The following ZNF76 variants were observed in gnomAD, a reference collection of about 807,000 sequenced individuals.
ZNF76 encodes zinc finger protein 523.
In ZNF76, 66 loss-of-function variants were observed where a neutral mutation model predicts 66.9. The observed-to-expected ratio is 0.99, with a 90% CI of 0.81 to 1.21. The LOEUF (loss-of-function observed/expected upper bound fraction) is 1.21, where lower values mean the gene tolerates loss of function less well. Ranked by LOEUF, ZNF76 falls within the 50% of genes most tolerant of loss-of-function variation. The pLI is 0.00. For synonymous variants in ZNF76, 275 were observed against 296.1 expected (o/e 0.93, Z 0.73); for missense variants, 729 against 760.3 (o/e 0.96, Z 0.48).
In ZNF76 at chr6:35,293,877, G is replaced by A; in HGVS notation, c.1456G>A (p.Val486Ile). 6.2e-7 allele frequency: 1 copy of A among 1,614,160 alleles called. No individual in the cohort carries two copies. Among genetic ancestry groups the A allele is most frequent in the Non-Finnish European group, 8.5e-7 (1 of 1,180,030 alleles). ...ADLATSGTHT[V>I]TMVSADGTQT... Reference sequence around the variant, plus strand: ...CCTGGCCACATCTGGCACACATACAGTCACCATGGTCAGCGCCGATGGCAC... The same window carrying A: ...CCTGGCCACATCTGGCACACATACAATCACCATGGTCAGCGCCGATGGCAC... Residue 486 changes from valine (V) to isoleucine (I), a missense_variant, in exon 12 of 14, where the codon GTC becomes ATC. Coordinates refer to ENST00000373953, the MANE Select transcript of ZNF76 (RefSeq NM_003427.5).
At chr6:35,278,828 CAT>C (rs1186939402) in intron 1 of ZNF76, among the ~76,000 whole-genome samples, 1 of 152,210 alleles carries the variant, frequency 6.6e-6, no homozygotes, top group Non-Finnish European at 1.5e-5. Flanking sequence ...CCACCTTGCA[CAT>C]GAGGGACCCA....
chr6:35,284,166 A>ACTGCAACCTTCGCCTCC (rs1178480569), intron 2 of ZNF76, among the ~76,000 whole-genome samples: 1 of 151,620 alleles, frequency 6.6e-6, no homozygotes, highest in East Asian at 1.9e-4. Flanking sequence ...ATCTCGGCTC[A>ACTGCAACCTTCGCCTCC]CTGCAACCTT....
chr6:35,271,811 A>G (rs539617333), intron 1 of ZNF76, among the ~76,000 whole-genome samples: 2 of 152,346 alleles, frequency 1.3e-5, no homozygotes, highest in South Asian at 2.1e-4. Context: ...GAATACAGCC[A>G]GGCACAGTGG....
At chr6:35,290,007 A>C (rs1285795165) in intron 5 of ZNF76, among the ~76,000 whole-genome samples, 1 of 152,078 alleles carries the variant, frequency 6.6e-6, no homozygotes, top group Non-Finnish European at 1.5e-5. Flanking sequence ...GCCTTTCTTC[A>C]ATAGCCGTCA....
chr6:35,271,483 G>C (rs997282423), intron 1 of ZNF76, among the ~76,000 whole-genome samples: 5 of 152,168 alleles, frequency 3.3e-5, no homozygotes, highest in Admixed American at 6.6e-5. Context: ...AGCCTGGCCA[G>C]TATGGCCAAA....
chr6:35,290,117 TC>T, intron 5 of ZNF76, 148 bp from the exon 6 acceptor site: 11 of 1,034,698 alleles, frequency 1.1e-5, no homozygotes, highest in East Asian at 2.4e-5. Context: ...CAGCATCTGT[TC>T]CTTGTCCGTC....
rs1209201119 is a variant in ZNF76, at chr6:35,295,330, G to T, written c.*82G>T. 1.8e-5 allele frequency: 23 copies of T among 1,246,126 alleles called. No homozygotes were observed. The East Asian group carries it at 5.6e-4, about 30-fold the overall frequency. The allele number at this position is 1,246,126 out of a possible 1,614,324, so 77.2% of individuals were successfully genotyped here. A position where few individuals can be genotyped will look rare whatever the true frequency, so the allele number is the denominator to read the frequency against. ...TCTTGCCCCCAAGGGCCCAGGCTGT[G>T]GCTGACACATAGAAGGTGGCCACAT... On this transcript the variant is annotated 3_prime_UTR_variant, in exon 14 of 14. Transcript: ENST00000373953.
intron 5 of ZNF76, 75 bp from the exon 6 acceptor site, chr6:35,290,191 C>T (rs1790157268): frequency 1.9e-6 from 3 of 1,580,918 alleles, no homozygotes; most frequent in Admixed American, 3.5e-5. Flanking sequence ...GGGTCTTAAG[C>T]TGCCAGCAGG....
chr6:35,280,094 G>T (rs1338806324), intron 1 of ZNF76, among the ~76,000 whole-genome samples: 1 of 151,496 alleles, frequency 6.6e-6, no homozygotes, highest in Admixed American at 6.6e-5. Context: ...GCCTCCCAAA[G>T]CACTGGGATT....
chr6:35,292,474 C>T lies in ZNF76; in HGVS notation c.932-80C>T, dbSNP rs1241841990. ...CTCCCTCTGGCTCTCCCTTCACCAACCCTGTCCCTCACCCCTGTCCCCTTA... is the reference window on the plus strand; with the variant it reads ...CTCCCTCTGGCTCTCCCTTCACCAATCCTGTCCCTCACCCCTGTCCCCTTA... On this transcript the variant is annotated intron_variant, in intron 9 of 13. Coordinates refer to ENST00000373953, the MANE Select transcript of ZNF76 (RefSeq NM_003427.5). This position sits in a 1 kb window ranked among gnomAD's most constrained non-coding sequence, Gnocchi z 4.7. The T allele has an allele frequency of 1.3e-6, 2 of 1,483,272 alleles. No individual in the cohort carries two copies. The highest frequency in any genetic ancestry group is 2.8e-5 in the African/African-American group (2 of 70,440). 91.9% of individuals were successfully genotyped at this position (1,483,272 alleles called of 1,614,324 possible).
At chr6:35,267,705 G>A (rs1241244257) in intron 1 of ZNF76, among the ~76,000 whole-genome samples, 1 of 152,216 alleles carries the variant, frequency 6.6e-6, no homozygotes, top group Non-Finnish European at 1.5e-5. Context: ...TCACTGCCAA[G>A]TGCAGACGAA....
Position 35,278,796 on chromosome 6 carries a change from C to T in ZNF76, c.-96-2260C>T, listed in dbSNP as rs117211521. On this transcript the variant is annotated intron_variant, in intron 1 of 13. Coordinates refer to ENST00000373953, the MANE Select transcript of ZNF76 (RefSeq NM_003427.5). ...ACAGTGGGTACAGAAGATATCCTGC[C>T]AGCAGGAAGCTTCAGTGCTTCCCAC... Among the ~76,000 whole-genome samples the T allele has an allele frequency of 5.8e-4, 88 of 152,356 alleles. 1 individual carries two copies. The East Asian group carries it at 0.017, about 29-fold the overall frequency.
rs749765488 is a variant in ZNF76 at position 35,290,643 on chromosome 6, G to T, written c.552G>T (p.Val184=). The T allele has an allele frequency of 6.2e-7, 1 of 1,614,204 alleles. No individual in the cohort carries two copies. Among genetic ancestry groups the T allele is most frequent in the South Asian group, 1.1e-5 (1 of 91,084 alleles). ...RLYTTAHHLK[V]HERAHTGDRP... ...TATGTGATTGCTTGTCCTCACAGGT[G>T]CATGAACGAGCTCATACAGGTGACC... The change falls in exon 7 of 14, where the codon GTG becomes GTT. Residue 184 remains valine, a splice_region_variant and synonymous_variant. Transcript: ENST00000373953.
intron 2 of ZNF76, among the ~76,000 whole-genome samples, chr6:35,285,151 A>G (rs1789375098): frequency 6.6e-6 from 1 of 152,248 alleles, no homozygotes. Context: ...CAGTAAGGTA[A>G]AGGAAGAGTA....
Position 35,292,117 on chromosome 6 carries a change from G to A in ZNF76, c.931+380G>A. The A allele has an allele frequency of 2.4e-6, 1 of 414,382 alleles. No individual in the cohort carries two copies. The highest frequency in any genetic ancestry group is 2.0e-5 in the African/African-American group (1 of 49,676). 25.7% of individuals were successfully genotyped at this position (414,382 alleles called of 1,614,324 possible). ...ACCTTATCCGCCGTCCATGACTCCT[G>A]TGTATCCTCACCCTCCCCAGTGTTA... On this transcript the variant is annotated intron_variant, in intron 9 of 13. Coordinates refer to ENST00000373953, the MANE Select transcript of ZNF76 (RefSeq NM_003427.5). This position sits in a 1 kb window ranked among gnomAD's most constrained non-coding sequence, Gnocchi z 4.7.
chr6:35,263,171 T>A (rs1785503335), intron 1 of ZNF76, among the ~76,000 whole-genome samples: 1 of 152,146 alleles, frequency 6.6e-6, no homozygotes, highest in Admixed American at 6.6e-5. Context: ...ACTACACTCT[T>A]CTCTGGGAAC....
rs199684479 is a variant in ZNF76 at position 35,290,729 on chromosome 6, G to A, written c.625+13G>A. The A allele has an allele frequency of 3.2e-5, 52 of 1,614,034 alleles. No homozygotes were observed. The East Asian group carries it at 8.5e-4, about 26-fold the overall frequency. ...GCCTTTGCCACAGGTAACCTGCCTG[G>A]TGGGCTGCTTCCAGTTGAGGGTGGA... On this transcript the variant is annotated intron_variant, in intron 7 of 13. Transcript: ENST00000373953.
At position 35,288,015 on chromosome 6, in the gene ZNF76, C is replaced by T. The variant is rs571605306; in HGVS notation, c.432+170C>T. On this transcript the variant is annotated intron_variant, in intron 5 of 13. Transcript: ENST00000373953. Reference sequence around the variant, plus strand: ...CCCCTCCACCCCAGCTCCCCCAACTCACCTGTCACACATCATTGTCTAGGG... The same window carrying T: ...CCCCTCCACCCCAGCTCCCCCAACTTACCTGTCACACATCATTGTCTAGGG... 3.2e-4 allele frequency: 239 copies of T among 757,080 alleles called. 6 individuals carry two copies. The South Asian group carries it at 3.4e-3, about 11-fold the overall frequency. 46.9% of individuals were successfully genotyped at this position (757,080 alleles called of 1,614,324 possible).
intron 2 of ZNF76, 84 bp from the exon 3 acceptor site, chr6:35,286,044 A>G: frequency 3.8e-6 from 5 of 1,311,046 alleles, no homozygotes; most frequent in South Asian, 3.6e-5. Flanking sequence ...TAGAGACTCA[A>G]ATAAGCCTCA....
Sources: gnomAD v4.1 joint callset for allele counts (sites outside exome capture counted in the v4.1 genomes callset) on GRCh38, gnomAD v4.1.1 for gene constraint, Gnocchi (gnomAD v3.1) non-coding constraint, MANE v1.5 for transcripts, NCBI Gene and HGNC (gene_info 2026-07-23, HGNC 2026-07-21) for gene names.